The following RAPGEF4 variants were observed in gnomAD, a reference collection of about 807,000 sequenced individuals.
RAPGEF4 encodes the protein Rap guanine nucleotide exchange factor 4, also known as RAP guanine-nucleotide-exchange factor (GEF) 4.
RAPGEF4 carries 66 observed loss-of-function variants against 147.9 expected under a neutral mutation model. The observed-to-expected ratio is 0.45, with a 90% CI of 0.37 to 0.55. RAPGEF4 has a LOEUF of 0.55. RAPGEF4 is among the 20% of genes least tolerant of loss of function. RAPGEF4 has a pLI of 0.00. For synonymous variants in RAPGEF4, 419 were observed against 442.7 expected (o/e 0.95, Z 0.67); for missense variants, 1,071 against 1,257.3 (o/e 0.85, Z 2.24).
chr2:172,891,884 A>G (rs1193381741), intron 4 of RAPGEF4, among the ~76,000 whole-genome samples: 1 of 152,182 alleles, frequency 6.6e-6, no homozygotes, highest in Non-Finnish European at 1.5e-5. Context: ...ATTATATAGG[A>G]ATTCTTTTCC....
chr2:173,011,178 A>G lies in RAPGEF4; in HGVS notation c.1659-3286A>G, dbSNP rs1468134872. 1.8e-3 allele frequency among the ~76,000 whole-genome samples: 262 copies of G among 143,536 alleles called. 3 individuals carry two copies. The highest frequency in any genetic ancestry group is 6.5e-3 in the African/African-American group (221 of 34,260). The allele number at this position is 143,536 out of a possible 152,430, so 94.2% of individuals were successfully genotyped here. ...AACTTCAGCGCGCGCGCGCACACAC[A>G]CACACACACACACACACACACACAC... is the stretch of plus-strand genomic sequence containing the variant. On this transcript the variant is annotated intron_variant, in intron 17 of 30. Coordinates refer to ENST00000397081, the MANE Select transcript of RAPGEF4 (RefSeq NM_007023.4).
chr2:172,896,501 T>C (rs1370163492), intron 4 of RAPGEF4, among the ~76,000 whole-genome samples: 1 of 152,192 alleles, frequency 6.6e-6, no homozygotes, highest in Non-Finnish European at 1.5e-5. Flanking sequence ...TTTATAGATA[T>C]TTAGAAAATG....
At chr2:172,975,365 T>C (rs1212954131) in intron 10 of RAPGEF4, among the ~76,000 whole-genome samples, 1 of 152,178 alleles carries the variant, frequency 6.6e-6, no homozygotes, top group Non-Finnish European at 1.5e-5. Context: ...ATCCGTCCCC[T>C]CTTTGAACCA....
At chr2:172,806,326 A>G (rs1243755905) in intron 3 of RAPGEF4, among the ~76,000 whole-genome samples, 1 of 152,212 alleles carries the variant, frequency 6.6e-6, no homozygotes, top group African/African-American at 2.4e-5. Context: ...CATCTCTATC[A>G]CAGATGCCTA....
intron 1 of RAPGEF4, 49 bp downstream of exon 1, chr2:172,736,097 C>G: frequency 1.4e-6 from 2 of 1,382,734 alleles, no homozygotes; most frequent in Non-Finnish European, 1.9e-6. Context: ...CGGTGCTGCC[C>G]GGGCCCTGAG....
At position 172,988,782 on chromosome 2, in the gene RAPGEF4, A is replaced by T. The variant is rs1356170160; in HGVS notation, c.1317A>T (p.Arg439=). The part of the protein sequence containing the change: ...DAPRAASIVL[R]EDNCHFLRVD... The stretch of plus-strand genomic sequence containing the variant: ...CACGAGCTGCCTCTATCGTCTTACG[A>T]GAAGATAACTGCCATTTCTTAAGAG... The change falls in exon 14 of 31, where the codon CGA becomes CGT. Residue 439 remains arginine (R), a synonymous_variant. Coordinates refer to ENST00000397081, the MANE Select transcript of RAPGEF4 (RefSeq NM_007023.4). The T allele has an allele frequency of 5.6e-6, 9 of 1,613,656 alleles. No homozygotes were observed. In the South Asian group the frequency reaches 8.8e-5, roughly 16 times the overall value.
intron 6 of RAPGEF4, among the ~76,000 whole-genome samples, chr2:172,949,707 A>G (rs1315350454): frequency 1.3e-5 from 2 of 152,256 alleles, no homozygotes; most frequent in African/African-American, 4.8e-5. Flanking sequence ...ATCATTTACC[A>G]GAATAGTGTC....
intron 1 of RAPGEF4, among the ~76,000 whole-genome samples, chr2:172,769,666 A>G (rs899439130): frequency 7.2e-5 from 11 of 152,164 alleles, no homozygotes; most frequent in African/African-American, 2.4e-4. Context: ...CTGAACCCCA[A>G]CAACACCAAC....
Position 172,829,428 on chromosome 2 carries a change from T to C in RAPGEF4, c.444+15003T>C, listed in dbSNP as rs571032433. Among the ~76,000 whole-genome samples the C allele has an allele frequency of 3.3e-5, 5 of 152,316 alleles. 1 individual carries two copies. Among genetic ancestry groups the C allele is most frequent in the African/African-American group, 1.2e-4 (5 of 41,558 alleles). On this transcript the variant is annotated intron_variant, in intron 4 of 30. Coordinates refer to ENST00000397081, the MANE Select transcript of RAPGEF4 (RefSeq NM_007023.4). ...GAAGGTGAGCCCCTGAGCTCATCCA[T>C]GTGAGGCATCCCCGGTATGAACTGG...
intron 4 of RAPGEF4, among the ~76,000 whole-genome samples, chr2:172,874,346 C>G (rs541523838): frequency 9.0e-4 from 137 of 152,094 alleles, no homozygotes; most frequent in South Asian, 4.6e-3. Context: ...TGTGCTGCAC[C>G]CATTAACTCG....
chr2:172,861,181 G>A (rs571085917), intron 4 of RAPGEF4, among the ~76,000 whole-genome samples: 4 of 152,200 alleles, frequency 2.6e-5, no homozygotes, highest in South Asian at 2.1e-4. Context: ...CCGGCTCACC[G>A]AGAAGATTGC....
At chr2:173,041,922 T>G (rs1171965128) in intron 29 of RAPGEF4, among the ~76,000 whole-genome samples, 2 of 152,178 alleles carry the variant, frequency 1.3e-5, no homozygotes, top group African/African-American at 4.8e-5. Context: ...CTAACCACCC[T>G]TGTGGGAAGG....
intron 1 of RAPGEF4, among the ~76,000 whole-genome samples, chr2:172,739,327 T>A (rs1385450422): frequency 6.6e-6 from 1 of 151,742 alleles, no homozygotes; most frequent in Admixed American, 6.6e-5. Flanking sequence ...AAATGTCCTT[T>A]CTTTTTTTTT....
chr2:172,907,109 A>G (rs1699706675), intron 4 of RAPGEF4, among the ~76,000 whole-genome samples: 1 of 152,224 alleles, frequency 6.6e-6, no homozygotes, highest in Non-Finnish European at 1.5e-5. Flanking sequence ...TCCAGCCAGA[A>G]TTCCTCAGTG....
chr2:172,759,083 T>C (rs1696053201), intron 1 of RAPGEF4, among the ~76,000 whole-genome samples: 1 of 152,006 alleles, frequency 6.6e-6, no homozygotes, highest in African/African-American at 2.4e-5. Context: ...TCAGACAGAT[T>C]GTGTCATGTT....
chr2:172,761,504 A>G (rs886422844), intron 1 of RAPGEF4, among the ~76,000 whole-genome samples: 3 of 152,138 alleles, frequency 2.0e-5, no homozygotes, highest in Non-Finnish European at 4.4e-5. Context: ...TTCTATACCC[A>G]GTGAAAATAT....
rs1398409394 is a variant in RAPGEF4 at position 172,961,051 on chromosome 2, A to T, written c.592-71A>T. ...AGTCAGATTGGAAAGTGGTTTCAGG[A>T]TTTGTTTGGTTTGTTTTCCTTCTAT... On this transcript the variant is annotated intron_variant, in intron 7 of 30. Transcript: ENST00000397081. 19 of 1,198,266 alleles carry T rather than the reference A, an allele frequency of 1.6e-5. No individual in the cohort carries two copies. In the South Asian group the frequency reaches 2.0e-4, roughly 13 times the overall value. The allele number at this position is 1,198,266 out of a possible 1,614,324, so 74.2% of individuals were successfully genotyped here.
intron 4 of RAPGEF4, among the ~76,000 whole-genome samples, chr2:172,875,676 T>G (rs1575107780): frequency 6.6e-6 from 1 of 152,216 alleles, no homozygotes; most frequent in Non-Finnish European, 1.5e-5. Flanking sequence ...TGAAGTCAGG[T>G]AGCATGATGC....
At chr2:173,020,209 G>A (rs1355967634) in intron 22 of RAPGEF4, among the ~76,000 whole-genome samples, 9 of 152,148 alleles carry the variant, frequency 5.9e-5, no homozygotes, top group Admixed American at 5.9e-4. Context: ...AGTAAATTTT[G>A]CATCTAAAAT....
Sources: allele counts gnomAD v4.1 joint callset (sites outside exome capture counted in the v4.1 genomes callset), GRCh38; gene constraint gnomAD v4.1.1; transcripts MANE v1.5; gene names NCBI Gene and HGNC (gene_info 2026-07-23, HGNC 2026-07-21).